MAFA: variants seen among roughly 807,000 people sequenced by gnomAD.
MAFA encodes the protein MAF bZIP transcription factor A.
For missense variants in MAFA, 547 were observed against 538.0 expected, an observed-to-expected ratio of 1.02 and a Z score of -0.16; for synonymous variants, 244 against 260.3, an observed-to-expected ratio of 0.94 and a Z score of 0.60.
In MAFA at chr8:143,430,103, CG is replaced by C. The variant is rs1339239923; in HGVS notation, c.303del (p.Gly102AlafsTer18). On this transcript the variant is annotated frameshift_variant, in exon 1 of 1. Coordinates refer to ENST00000333480, the MANE Select transcript of MAFA (RefSeq NM_201589.4). LOFTEE classifies it low-confidence loss of function (END_TRUNC). ...TTCCCCGAGGTGCCCCCGACGGCGCCGGGGCCCCCGCTCGGCGGCCCGGGGG... is the reference window on the plus strand; with the variant it reads ...TTCCCCGAGGTGCCCCCGACGGCGCCGGGCCCCCGCTCGGCGGCCCGGGGG... Reference protein sequence around the residue: ...GGAPGPPSGGPGAVGGTSGKP... With the variant: ...GGAPGPPSGGXGAVGGTSGKP... 1.2e-5 allele frequency: 14 copies of C among 1,150,114 alleles called. No homozygotes were observed. Among genetic ancestry groups the C allele is most frequent in the South Asian group, 9.8e-5 (3 of 30,716 alleles). The allele number at this position is 1,150,114 out of a possible 1,614,324, so 71.2% of individuals were successfully genotyped here. A position where few individuals can be genotyped will look rare whatever the true frequency, so the allele number is the denominator to read the frequency against.
chr8:143,429,857 G>A lies in MAFA; in HGVS notation c.550C>T (p.His184Tyr). ...GCGGCGTGGTGCGCGCCGTGGTGGTGGCCGGCGCCCATGTCGTCCGCTCCG... is the reference window on the plus strand; with the variant it reads ...GCGGCGTGGTGCGCGCCGTGGTGGTAGCCGGCGCCCATGTCGTCCGCTCCG... ...GGGADDMGAGHHHGAHHAAHH... is the reference protein window; with the variant it reads ...GGGADDMGAGYHHGAHHAAHH... The change falls in exon 1 of 1, where the codon CAC becomes TAC. Residue 184 changes from histidine (H) to tyrosine (Y), a missense_variant. Physicochemically the swap from His to Tyr is moderately conservative, Grantham distance 83. Coordinates refer to ENST00000333480, the MANE Select transcript of MAFA (RefSeq NM_201589.4). This position sits in a 1 kb window ranked among gnomAD's most constrained non-coding sequence, Gnocchi z 5.9. 1 of 1,380,266 alleles carries A rather than the reference G, an allele frequency of 7.2e-7. No homozygotes were observed. Among genetic ancestry groups the A allele is most frequent in the Non-Finnish European group, 9.3e-7 (1 of 1,075,280 alleles). 85.5% of individuals were successfully genotyped at this position (1,380,266 alleles called of 1,614,324 possible).
chr8:143,429,422 C>T lies in MAFA; in HGVS notation c.985G>A (p.Ala329Thr). ...GGCGAAGGCTCCCGCGGGAAACCGGCCCCGCCCGCGCTCCCGGGGCCGCCC... is the reference window on the plus strand; with the variant it reads ...GGCGAAGGCTCCCGCGGGAAACCGGTCCCGCCCGCGCTCCCGGGGCCGCCC... ...GRGGPGSAGG[A>T]GFPREPSPPQ... Residue 329 changes from alanine (A) to threonine (T), a missense_variant, in exon 1 of 1, where the codon GCC (alanine) becomes ACC (threonine). Physicochemically the swap from Ala to Thr is moderately conservative, Grantham distance 58. Coordinates refer to ENST00000333480, the MANE Select transcript of MAFA (RefSeq NM_201589.4). The surrounding 1 kb of genome is among the most constrained non-coding windows in gnomAD (Gnocchi z 5.9). 6.5e-7 allele frequency: 1 copy of T among 1,530,200 alleles called. No individual in the cohort carries two copies. The highest frequency in any genetic ancestry group is 2.6e-5 in the East Asian group (1 of 38,162). The allele number at this position is 1,530,200 out of a possible 1,614,324, so 94.8% of individuals were successfully genotyped here.
In MAFA at chr8:143,430,488, C is replaced by A. The variant is rs1819524605; in HGVS notation, c.-82G>T. 1.4e-5 allele frequency: 5 copies of A among 346,620 alleles called. No individual in the cohort carries two copies. The highest frequency in any genetic ancestry group is 1.9e-5 in the Non-Finnish European group (5 of 257,118). 21.5% of individuals were successfully genotyped at this position (346,620 alleles called of 1,614,324 possible). ...GCTGCAGGCCTCTCCCCCCCCTGCT[C>A]CCCGCGGGCGGCGGTCCCGGCGGGG... On this transcript the variant is annotated 5_prime_UTR_variant, in exon 1 of 1. Transcript: ENST00000333480.
At position 143,429,313 on chromosome 8, in the gene MAFA, G is replaced by C. The variant is rs2129754145; in HGVS notation, c.*32C>G. 7.6e-7 allele frequency: 1 copy of C among 1,310,296 alleles called. No individual in the cohort carries two copies. 81.2% of individuals were successfully genotyped at this position (1,310,296 alleles called of 1,614,324 possible). ...GAGAGGCCTGCGCGAACTTGTCCCC[G>C]GCGACGGCGGCGCGGGCTCGGGGTC... is the stretch of plus-strand genomic sequence containing the variant. On this transcript the variant is annotated 3_prime_UTR_variant, in exon 1 of 1. Transcript: ENST00000333480. This position sits in a 1 kb window ranked among gnomAD's most constrained non-coding sequence, Gnocchi z 5.9.
In MAFA at chr8:143,429,333, G is replaced by T; in HGVS notation, c.*12C>A. On this transcript the variant is annotated 3_prime_UTR_variant, in exon 1 of 1. Transcript: ENST00000333480. The surrounding 1 kb of genome is among the most constrained non-coding windows in gnomAD (Gnocchi z 5.9). Reference sequence around the variant, plus strand: ...TCCCCGGCGACGGCGGCGCGGGCTCGGGGTCCGGCGCCTACAGGAAGAAGT... The same window carrying T: ...TCCCCGGCGACGGCGGCGCGGGCTCTGGGTCCGGCGCCTACAGGAAGAAGT... The T allele has an allele frequency of 7.5e-7, 1 of 1,331,004 alleles. No individual in the cohort carries two copies. The highest frequency in any genetic ancestry group is 2.1e-5 in the South Asian group (1 of 47,412). 82.4% of individuals were successfully genotyped at this position (1,331,004 alleles called of 1,614,324 possible). A position where few individuals can be genotyped will look rare whatever the true frequency, so the allele number is the denominator to read the frequency against.
chr8:143,429,784 TGG>T lies in MAFA; in HGVS notation c.621_622del (p.His207GlnfsTer229). 2.9e-5 allele frequency: 3 copies of T among 102,904 alleles called. No homozygotes were observed. The highest frequency in any genetic ancestry group is 2.2e-5 in the Non-Finnish European group (2 of 92,236). The allele number at this position is 102,904 out of a possible 1,614,324, so 6.4% of individuals were successfully genotyped here. ...GCCACCGCCGTGTCCCGCGCCGCCA[TGG>T]TGGTGGTGGTGGTGGTGGTGGTGGT... On this transcript the variant is annotated frameshift_variant, in exon 1 of 1. Transcript: ENST00000333480. LOFTEE classifies it low-confidence loss of function (END_TRUNC). This position sits in a 1 kb window ranked among gnomAD's most constrained non-coding sequence, Gnocchi z 5.9.
rs1027845864 is a variant in MAFA at position 143,430,699 on chromosome 8, C to T, written c.-293G>A. Among the ~76,000 whole-genome samples the T allele has an allele frequency of 6.9e-6, 1 of 144,430 alleles. No individual in the cohort carries two copies. Among genetic ancestry groups the T allele is most frequent in the African/African-American group, 2.5e-5 (1 of 40,498 alleles). 94.8% of individuals were successfully genotyped at this position (144,430 alleles called of 152,430 possible). A position where few individuals can be genotyped will look rare whatever the true frequency, so the allele number is the denominator to read the frequency against. ...GCTCCGGGACCGCTCCCGCGCCCCA[C>T]CCGCGCCGCCGGCCGGCCCCGCCTC... On this transcript the variant is annotated 5_prime_UTR_variant, in exon 1 of 1. It adds an upstream start codon to the 5' untranslated region. Coordinates refer to ENST00000333480, the MANE Select transcript of MAFA (RefSeq NM_201589.4).
At position 143,429,929 on chromosome 8, in the gene MAFA, C is replaced by T. The variant is rs1819514183; in HGVS notation, c.478G>A (p.Ala160Thr). 1.6e-6 allele frequency: 2 copies of T among 1,260,846 alleles called. No homozygotes were observed. Among genetic ancestry groups the T allele is most frequent in the East Asian group, 6.8e-5 (2 of 29,572 alleles). 78.1% of individuals were successfully genotyped at this position (1,260,846 alleles called of 1,614,324 possible). The change falls in exon 1 of 1, where the codon GCC becomes ACC. Residue 160 changes from alanine to threonine, a missense_variant. Coordinates refer to ENST00000333480, the MANE Select transcript of MAFA (RefSeq NM_201589.4). This position sits in a 1 kb window ranked among gnomAD's most constrained non-coding sequence, Gnocchi z 5.9. ...CCGCGGAAAGCCTCGTAGGCTGCGG[C>T]GGCCGCCGGGTGGTGCGCGCCGTGG... Reference protein sequence around the residue: ...AHHGAHHPAAAAAYEAFRGPG... With the variant: ...AHHGAHHPAATAAYEAFRGPG...
chr8:143,429,783 ATGGTGG>A lies in MAFA; in HGVS notation c.618_623del (p.His207_His208del), dbSNP rs141816879. The A allele has an allele frequency of 0.11, 109,847 of 1,041,888 alleles. 3,246 individuals carry two copies. The highest frequency in any genetic ancestry group is 0.12 in the Middle Eastern group (338 of 2,876). The allele number at this position is 1,041,888 out of a possible 1,614,324, so 64.5% of individuals were successfully genotyped here. A position where few individuals can be genotyped will look rare whatever the true frequency, so the allele number is the denominator to read the frequency against. ...CGCCACCGCCGTGTCCCGCGCCGCC[ATGGTGG>A]TGGTGGTGGTGGTGGTGGTGGTGGG... On this transcript the variant is annotated inframe_deletion, in exon 1 of 1. Coordinates refer to ENST00000333480, the MANE Select transcript of MAFA (RefSeq NM_201589.4). This position sits in a 1 kb window ranked among gnomAD's most constrained non-coding sequence, Gnocchi z 5.9.
At position 143,430,455 on chromosome 8, in the gene MAFA, G is replaced by C. The variant is rs977553717; in HGVS notation, c.-49C>G. The stretch of plus-strand genomic sequence containing the variant: ...CGCCCCGACGGGCGGCGTGGGAGTG[G>C]GGGGGGAGCTGCAGGCCTCTCCCCC... On this transcript the variant is annotated 5_prime_UTR_variant, in exon 1 of 1. Transcript: ENST00000333480. The C allele has an allele frequency of 2.3e-6, 2 of 861,588 alleles. No individual in the cohort carries two copies. Among genetic ancestry groups the C allele is most frequent in the Admixed American group, 1.1e-4 (2 of 17,530 alleles). The allele number at this position is 861,588 out of a possible 1,614,324, so 53.4% of individuals were successfully genotyped here. A position where few individuals can be genotyped will look rare whatever the true frequency, so the allele number is the denominator to read the frequency against.
In MAFA at chr8:143,429,457, A is replaced by G; in HGVS notation, c.950T>C (p.Leu317Pro). 6.3e-7 allele frequency: 1 copy of G among 1,578,110 alleles called. No individual in the cohort carries two copies. The highest frequency in any genetic ancestry group is 8.5e-7 in the Non-Finnish European group (1 of 1,170,168). Residue 317 changes from leucine (L) to proline (P), a missense_variant, in exon 1 of 1, where the codon CTG becomes CCG. Transcript: ENST00000333480. This position sits in a 1 kb window ranked among gnomAD's most constrained non-coding sequence, Gnocchi z 5.9. ...RDLYKEKYEK[L>P]AGRGGPGSAG... ...GCTCCCGGGGCCGCCCCGGCCCGCC[A>G]GCTTCTCGTATTTCTCCTTGTACAG... is the stretch of plus-strand genomic sequence containing the variant.
At position 143,430,107 on chromosome 8, in the gene MAFA, G is replaced by GC; in HGVS notation, c.299dup (p.Gly102ArgfsTer335). 3.5e-6 allele frequency: 4 copies of GC among 1,142,020 alleles called. No individual in the cohort carries two copies. Among genetic ancestry groups the GC allele is most frequent in the South Asian group, 6.8e-5 (2 of 29,554 alleles). The allele number at this position is 1,142,020 out of a possible 1,614,324, so 70.7% of individuals were successfully genotyped here. ...CCGAGGTGCCCCCGACGGCGCCGGG[G>GC]CCCCCGCTCGGCGGCCCGGGGGCGC... On this transcript the variant is annotated frameshift_variant, in exon 1 of 1. Coordinates refer to ENST00000333480, the MANE Select transcript of MAFA (RefSeq NM_201589.4). LOFTEE classifies it low-confidence loss of function (END_TRUNC).
At position 143,429,426 on chromosome 8, in the gene MAFA, G is replaced by A; in HGVS notation, c.981C>T (p.Gly327=). 1.3e-6 allele frequency: 2 copies of A among 1,538,606 alleles called. No individual in the cohort carries two copies. Among genetic ancestry groups the A allele is most frequent in the East Asian group, 2.6e-5 (1 of 38,638 alleles). The change falls in exon 1 of 1, where the codon GGC becomes GGT. Residue 327 remains glycine (G), a synonymous_variant. Coordinates refer to ENST00000333480, the MANE Select transcript of MAFA (RefSeq NM_201589.4). The surrounding 1 kb of genome is among the most constrained non-coding windows in gnomAD (Gnocchi z 5.9). The stretch of plus-strand genomic sequence containing the variant: ...AAGGCTCCCGCGGGAAACCGGCCCC[G>A]CCCGCGCTCCCGGGGCCGCCCCGGC... ...LAGRGGPGSA[G]GAGFPREPSP...
In MAFA at chr8:143,429,722, C is replaced by G. The variant is rs1005045208; in HGVS notation, c.685G>C (p.Asp229His). 1 of 1,555,420 alleles carries G rather than the reference C, an allele frequency of 6.4e-7. No homozygotes were observed. The highest frequency in any genetic ancestry group is 1.8e-5 in the Admixed American group (1 of 54,280). ...HHVRLEERFSDDQLVSMSVRE... is the reference protein window; with the variant it reads ...HHVRLEERFSHDQLVSMSVRE... ...ACCGACATGGACACCAGCTGGTCGT[C>G]GGAGAAGCGCTCCTCCAGGCGCACG... The change falls in exon 1 of 1, where the codon GAC becomes CAC. Residue 229 changes from aspartate (D) to histidine (H), a missense_variant. Physicochemically the swap from Asp to His is moderately conservative, Grantham distance 81. Transcript: ENST00000333480. The surrounding 1 kb of genome is among the most constrained non-coding windows in gnomAD (Gnocchi z 5.9).
chr8:143,430,311 CT>C lies in MAFA; in HGVS notation c.95del (p.Lys32ArgfsTer88). The C allele has an allele frequency of 6.9e-7, 1 of 1,451,290 alleles. No homozygotes were observed. Among genetic ancestry groups the C allele is most frequent in the Non-Finnish European group, 9.2e-7 (1 of 1,087,170 alleles). 89.9% of individuals were successfully genotyped at this position (1,451,290 alleles called of 1,614,324 possible). On this transcript the variant is annotated frameshift_variant, in exon 1 of 1. Coordinates refer to ENST00000333480, the MANE Select transcript of MAFA (RefSeq NM_201589.4). LOFTEE classifies it low-confidence loss of function (END_TRUNC). Reference protein sequence around the residue: ...NDFDLMKFEVKKEPPEAERFC... With the variant: ...NDFDLMKFEVXKEPPEAERFC... The stretch of plus-strand genomic sequence containing the variant: ...AGCGCTCGGCCTCGGGAGGCTCCTT[CT>C]TCACCTCGAACTTCATCAGGTCGAA...
Position 143,430,000 on chromosome 8 carries a change from T to C in MAFA, c.407A>G (p.Glu136Gly). The C allele has an allele frequency of 1.5e-6, 2 of 1,361,690 alleles. No individual in the cohort carries two copies. Among genetic ancestry groups the C allele is most frequent in the Non-Finnish European group, 1.9e-6 (2 of 1,049,248 alleles). The allele number at this position is 1,361,690 out of a possible 1,614,324, so 84.4% of individuals were successfully genotyped here. A position where few individuals can be genotyped will look rare whatever the true frequency, so the allele number is the denominator to read the frequency against. ...LNPEALNLTPEDAVEALIGSG... is the reference protein window; with the variant it reads ...LNPEALNLTPGDAVEALIGSG... ...GCCGATGAGCGCCTCCACCGCGTCC[T>C]CGGGCGTCAGGTTGAGCGCCTCGGG... Residue 136 changes from glutamate to glycine, a missense_variant, in exon 1 of 1, where the codon GAG becomes GGG. Coordinates refer to ENST00000333480, the MANE Select transcript of MAFA (RefSeq NM_201589.4). The surrounding 1 kb of genome is among the most constrained non-coding windows in gnomAD (Gnocchi z 5.9).
At position 143,429,724 on chromosome 8, in the gene MAFA, G is replaced by C; in HGVS notation, c.683C>G (p.Ser228Cys). The C allele has an allele frequency of 6.4e-7, 1 of 1,555,220 alleles. No homozygotes were observed. Among genetic ancestry groups the C allele is most frequent in the Non-Finnish European group, 8.6e-7 (1 of 1,157,734 alleles). Residue 228 changes from serine to cysteine, a missense_variant, in exon 1 of 1, where the codon TCC becomes TGC. Coordinates refer to ENST00000333480, the MANE Select transcript of MAFA (RefSeq NM_201589.4). This position sits in a 1 kb window ranked among gnomAD's most constrained non-coding sequence, Gnocchi z 5.9. The stretch of plus-strand genomic sequence containing the variant: ...CGACATGGACACCAGCTGGTCGTCG[G>C]AGAAGCGCTCCTCCAGGCGCACGTG... ...GHHVRLEERF[S>C]DDQLVSMSVR...
In MAFA at chr8:143,430,329, C is replaced by T; in HGVS notation, c.78G>A (p.Leu26=). The T allele has an allele frequency of 6.9e-7, 1 of 1,450,870 alleles. No homozygotes were observed. The highest frequency in any genetic ancestry group is 2.1e-5 in the Admixed American group (1 of 47,492). 89.9% of individuals were successfully genotyped at this position (1,450,870 alleles called of 1,614,324 possible). The change falls in exon 1 of 1, where the codon CTG becomes CTA. Residue 26 remains leucine (L), a synonymous_variant. Transcript: ENST00000333480. ...LAIEYVNDFD[L]MKFEVKKEPP... is the part of the protein sequence containing the mutation. ...GCTCCTTCTTCACCTCGAACTTCATCAGGTCGAAGTCGTTGACGTACTCGA... is the reference window on the plus strand; with the variant it reads ...GCTCCTTCTTCACCTCGAACTTCATTAGGTCGAAGTCGTTGACGTACTCGA...
Position 143,429,647 on chromosome 8 carries a change from G to T in MAFA, c.760C>A (p.Arg254=). The T allele has an allele frequency of 6.3e-7, 1 of 1,588,006 alleles. No individual in the cohort carries two copies. The highest frequency in any genetic ancestry group is 8.5e-7 in the Non-Finnish European group (1 of 1,173,778). Residue 254 remains arginine (R), a synonymous_variant, in exon 1 of 1, where the codon CGG becomes AGG. Transcript: ENST00000333480. This position sits in a 1 kb window ranked among gnomAD's most constrained non-coding sequence, Gnocchi z 5.9. The stretch of plus-strand genomic sequence containing the variant: ...AGCGTGCGCCGCTTCTGCTTGAGCC[G>T]GATGACCTCCTCCTTGCTGAAGCCG... ...LRGFSKEEVI[R]LKQKRRTLKN...
Sources: allele counts gnomAD v4.1 joint callset (sites outside exome capture counted in the v4.1 genomes callset), GRCh38; gene constraint gnomAD v4.1.1; non-coding constraint Gnocchi (gnomAD v3.1); transcripts MANE v1.5; gene names NCBI Gene and HGNC (gene_info 2026-07-23, HGNC 2026-07-21).